FFAR4: variants seen among roughly 807,000 people sequenced by gnomAD.
FFAR4 encodes the protein free fatty acid receptor 4, also known as G-protein coupled receptor 120.
FFAR4 carries 19 observed loss-of-function variants against 27.0 expected under a neutral mutation model. That is an observed-to-expected ratio of 0.70 (90% CI 0.49 to 1.03). The LOEUF (loss-of-function observed/expected upper bound fraction) is 1.03. Among genes scored for constraint, FFAR4 ranks in the 50% least tolerant of loss-of-function variants. The pLI is 0.00. For missense variants in FFAR4, 476 were observed against 479.0 expected (o/e 0.99, Z 0.06); for synonymous variants, 254 against 215.6 (o/e 1.18, Z -1.56).
rs151195634 is a variant in FFAR4 at position 93,574,626 on chromosome 10, C to T, written c.568-1465C>T. Among the ~76,000 whole-genome samples, 345 of 152,140 alleles carry T rather than the reference C, an allele frequency of 2.3e-3. 3 individuals are homozygous for T. Among genetic ancestry groups the T allele is most frequent in the African/African-American group, 7.9e-3 (329 of 41,516 alleles). On this transcript the variant is annotated intron_variant, in intron 1 of 2. Transcript: ENST00000371481. ...GTTTCTGGCCGGGCATGGTGGCTCA[C>T]GCCTGTAATCCCATCACTTTGTGAG...
rs2134546614 is a variant in FFAR4 at position 93,576,220 on chromosome 10, G to A, written c.696+1G>A. 9.3e-6 allele frequency: 15 copies of A among 1,613,924 alleles called. No individual in the cohort carries two copies. Among genetic ancestry groups the A allele is most frequent in the Non-Finnish European group, 1.3e-5 (15 of 1,179,888 alleles). ...GATCAGTTACTCCAAAATTTTACAG[G>A]TATGTTTTCTGCAAGTGCTGCCACT... On this transcript the variant is annotated splice_donor_variant, in intron 2 of 2. Coordinates refer to ENST00000371481, the MANE Select transcript of FFAR4 (RefSeq NM_001195755.2). LOFTEE classifies it high-confidence loss of function.
chr10:93,588,636 G>A lies in FFAR4; in HGVS notation c.*1027G>A, dbSNP rs1215411096. ...GCCCTCTCTCAGGGAACTTACCTTCGAGTCAGGGGCAGAAAAACTAAATAA... is the reference window on the plus strand; with the variant it reads ...GCCCTCTCTCAGGGAACTTACCTTCAAGTCAGGGGCAGAAAAACTAAATAA... On this transcript the variant is annotated 3_prime_UTR_variant, in exon 3 of 3. Transcript: ENST00000371481. 1.3e-5 allele frequency: 2 copies of A among 152,112 alleles called. No individual in the cohort carries two copies. The highest frequency in any genetic ancestry group is 1.3e-4 in the Admixed American group (2 of 15,266). 9.4% of individuals were successfully genotyped at this position (152,112 alleles called of 1,614,324 possible). A position where few individuals can be genotyped will look rare whatever the true frequency, so the allele number is the denominator to read the frequency against.
chr10:93,567,141 G>C lies in FFAR4; in HGVS notation c.421G>C (p.Val141Leu). 1 of 1,606,908 alleles carries C rather than the reference G, an allele frequency of 6.2e-7. No homozygotes were observed. The highest frequency in any genetic ancestry group is 8.5e-7 in the Non-Finnish European group (1 of 1,178,464). ...CAGCCTGGAGCGCATGGTGTGCATC[G>C]TGCACCTGCAGCGCGGCGTGCGGGG... ...AVSLERMVCI[V>L]HLQRGVRGPG... is the part of the protein sequence containing the mutation. Residue 141 changes from valine (V) to leucine (L), a missense_variant, in exon 1 of 3, where the codon GTG (valine) becomes CTG (leucine). By Grantham distance (32) the Val-to-Leu change is conservative. Transcript: ENST00000371481.
intron 2 of FFAR4, among the ~76,000 whole-genome samples, chr10:93,577,753 A>G (rs2058172799): frequency 6.6e-6 from 1 of 152,242 alleles, no homozygotes; most frequent in South Asian, 2.1e-4. Flanking sequence ...TAAGAATTAC[A>G]GATGAAGAAA....
Position 93,589,671 on chromosome 10 carries a change from G to C in FFAR4, c.*2062G>C, listed in dbSNP as rs1334006918. On this transcript the variant is annotated 3_prime_UTR_variant, in exon 3 of 3. Coordinates refer to ENST00000371481, the MANE Select transcript of FFAR4 (RefSeq NM_001195755.2). The stretch of plus-strand genomic sequence containing the variant: ...GAAATCTCAGTGAGACTTCCAAATT[G>C]AATAGGCAGTTGGATGCAGAGATGT... The C allele has an allele frequency of 6.6e-6, 1 of 152,108 alleles. No individual in the cohort carries two copies. Among genetic ancestry groups the C allele is most frequent in the East Asian group, 1.9e-4 (1 of 5,180 alleles). 9.4% of individuals were successfully genotyped at this position (152,108 alleles called of 1,614,324 possible). A position where few individuals can be genotyped will look rare whatever the true frequency, so the allele number is the denominator to read the frequency against.
Position 93,567,056 on chromosome 10 carries a change from C to G in FFAR4, c.336C>G (p.His112Gln). 6.2e-7 allele frequency: 1 copy of G among 1,611,640 alleles called. No homozygotes were observed. Among genetic ancestry groups the G allele is most frequent in the Non-Finnish European group, 8.5e-7 (1 of 1,179,788 alleles). Reference sequence around the variant, plus strand: ...GGCTGCTGGGCCCCGTTGCCTGCCACCTGCTCTTCTACGTGATGACCCTGA... The same window carrying G: ...GGCTGCTGGGCCCCGTTGCCTGCCAGCTGCTCTTCTACGTGATGACCCTGA... ...EAWLLGPVAC[H>Q]LLFYVMTLSG... The change falls in exon 1 of 3, where the codon CAC becomes CAG. Residue 112 changes from histidine (H) to glutamine (Q), a missense_variant. Physicochemically the swap from His to Gln is conservative, Grantham distance 24. Transcript: ENST00000371481.
At chr10:93,579,293 T>C in intron 2 of FFAR4, 1 of 1,181,862 alleles carries the variant, frequency 8.5e-7, no homozygotes, top group South Asian at 1.2e-5. Context: ...CCCTGTGTGG[T>C]CTGGCCCCGC....
chr10:93,587,303 C>T lies in FFAR4; in HGVS notation c.780C>T (p.Phe260=). 4 of 1,614,152 alleles carry T rather than the reference C, an allele frequency of 2.5e-6. No homozygotes were observed. The highest frequency in any genetic ancestry group is 2.5e-6 in the Non-Finnish European group (3 of 1,180,010). Residue 260 remains phenylalanine (F), a synonymous_variant, in exon 3 of 3, where the codon TTC becomes TTT. Transcript: ENST00000371481. ...SHQIRVSQQD[F]RLFRTLFLLM... is the part of the protein sequence containing the mutation. ...AGATCCGCGTGTCCCAGCAGGACTT[C>T]CGGCTCTTCCGCACCCTCTTCCTCC...
chr10:93,580,690 C>T lies in FFAR4; in HGVS notation c.696+4471C>T, dbSNP rs76584185. On this transcript the variant is annotated intron_variant, in intron 2 of 2. Transcript: ENST00000371481. ...CTCCAAGAAATGCCTTTTTGGAAAC[C>T]CTGCTCTAAAGTCTCCACCCTCCTT... Among the ~76,000 whole-genome samples, 1,440 of 152,260 alleles carry T rather than the reference C, an allele frequency of 9.5e-3. 17 individuals are homozygous for T. The highest frequency in any genetic ancestry group is 0.033 in the African/African-American group (1,351 of 41,558).
At chr10:93,576,821 C>T (rs528728421) in intron 2 of FFAR4, among the ~76,000 whole-genome samples, 4 of 152,172 alleles carry the variant, frequency 2.6e-5, no homozygotes, top group African/African-American at 7.2e-5. Context: ...TCCATTGTTT[C>T]CCCATCGCAA....
At chr10:93,570,188 TCACA>T (rs76165485) in intron 1 of FFAR4, among the ~76,000 whole-genome samples, 12 of 148,648 alleles carry the variant, frequency 8.1e-5, no homozygotes, top group African/African-American at 1.5e-4. Context: ...TCTGTCTCTC[TCACA>T]CACACACACA....
At chr10:93,575,727 T>C (rs1345999028) in intron 1 of FFAR4, among the ~76,000 whole-genome samples, 1 of 152,226 alleles carries the variant, frequency 6.6e-6, no homozygotes, top group Non-Finnish European at 1.5e-5. Flanking sequence ...GGGGTCAGTT[T>C]TCTCCTTTGT....
Position 93,587,700 on chromosome 10 carries a change from T to G in FFAR4, c.*91T>G. 1 of 1,238,240 alleles carries G rather than the reference T, an allele frequency of 8.1e-7. No individual in the cohort carries two copies. Among genetic ancestry groups the G allele is most frequent in the Non-Finnish European group, 1.1e-6 (1 of 888,740 alleles). 76.7% of individuals were successfully genotyped at this position (1,238,240 alleles called of 1,614,324 possible). A position where few individuals can be genotyped will look rare whatever the true frequency, so the allele number is the denominator to read the frequency against. On this transcript the variant is annotated 3_prime_UTR_variant, in exon 3 of 3. Transcript: ENST00000371481. The stretch of plus-strand genomic sequence containing the variant: ...TCCAGTACCCTCCATCAGTGCACCC[T>G]GCTTTAAGAAAATGAACCTATGCAA...
intron 1 of FFAR4, among the ~76,000 whole-genome samples, 186 bp downstream of exon 1, chr10:93,567,473 C>A (rs2058105807): frequency 6.6e-6 from 1 of 152,228 alleles, no homozygotes; most frequent in African/African-American, 2.4e-5. Flanking sequence ...ACGCTGTGCA[C>A]ACGCCCTCCT....
At chr10:93,583,505 AG>A (rs1203159758) in intron 2 of FFAR4, among the ~76,000 whole-genome samples, 1 of 152,150 alleles carries the variant, frequency 6.6e-6, no homozygotes, top group East Asian at 1.9e-4. Context: ...AAATGCTGCA[AG>A]ATGCCAAGCG....
rs573865182 is a variant in FFAR4, at chr10:93,573,536, A to G, written c.568-2555A>G. Among the ~76,000 whole-genome samples the G allele has an allele frequency of 3.9e-5, 6 of 152,246 alleles. No homozygotes were observed. The South Asian group carries it at 1.0e-3, about 26-fold the overall frequency. On this transcript the variant is annotated intron_variant, in intron 1 of 2. Coordinates refer to ENST00000371481, the MANE Select transcript of FFAR4 (RefSeq NM_001195755.2). ...CCACAGAAACCAAGTTATGACACCA[A>G]CTTGGATCTCTGTGGGCATGGCACC...
At chr10:93,569,269 G>A (rs1191057541) in intron 1 of FFAR4, among the ~76,000 whole-genome samples, 1 of 152,154 alleles carries the variant, frequency 6.6e-6, no homozygotes, top group East Asian at 1.9e-4. Context: ...TGTGTATTTT[G>A]TGCCTCTCCC....
chr10:93,569,074 C>A (rs1166211266), intron 1 of FFAR4, among the ~76,000 whole-genome samples: 1 of 152,174 alleles, frequency 6.6e-6, no homozygotes, highest in Non-Finnish European at 1.5e-5. Context: ...CAGGAGGGGG[C>A]TGGGCTTCTG....
rs1290978431 is a variant in FFAR4, at chr10:93,566,875, C to G, written c.155C>G (p.Ala52Gly). The change falls in exon 1 of 3, where the codon GCA becomes GGA. Residue 52 changes from alanine (A) to glycine (G), a missense_variant. By Grantham distance (60) the Ala-to-Gly change is moderately conservative (BLOSUM62 0). Transcript: ENST00000371481. ...VETTVLVLIF[A>G]VSLLGNVCAL... ...ACAACCGTGCTGGTGCTCATCTTTGCAGTGTCGCTGCTGGGCAACGTGTGC... is the reference window on the plus strand; with the variant it reads ...ACAACCGTGCTGGTGCTCATCTTTGGAGTGTCGCTGCTGGGCAACGTGTGC... 2.5e-6 allele frequency: 4 copies of G among 1,603,410 alleles called. No individual in the cohort carries two copies. In the East Asian group the frequency reaches 9.1e-5, roughly 36 times the overall value.
Sources: gnomAD v4.1 joint callset for allele counts (sites outside exome capture counted in the v4.1 genomes callset) on GRCh38, gnomAD v4.1.1 for gene constraint, MANE v1.5 for transcripts, NCBI Gene and HGNC (gene_info 2026-07-23, HGNC 2026-07-21) for gene names.